Variants in GRIA4 observed in about 807,000 individuals in gnomAD.
GRIA4 encodes glutamate receptor 4.
In GRIA4, 34 loss-of-function variants were observed where a neutral mutation model predicts 104.0. The ratio of observed to expected loss-of-function variants is 0.33; its 90% CI spans 0.25 to 0.44. The LOEUF is 0.44. GRIA4 is among the 20% of genes least tolerant of loss of function. The pLI is 1.00. For synonymous variants in GRIA4, 386 were observed against 381.9 expected (o/e 1.01, Z -0.13); for missense variants, 750 against 1,096.5 (o/e 0.68, Z 4.46).
intron 4 of GRIA4, among the ~76,000 whole-genome samples, chr11:105,794,763 C>G (rs1351551857): frequency 1.3e-5 from 2 of 151,092 alleles, no homozygotes; most frequent in South Asian, 4.2e-4. Context: ...GAATTGTAAA[C>G]TTCTAGATAG....
In GRIA4 at chr11:105,834,712, CTT is replaced by C. The variant is rs5794429; in HGVS notation, c.488-27295_488-27294del. On this transcript the variant is annotated intron_variant, in intron 4 of 16. Transcript: ENST00000282499. ...GTATTACTGTCCTGCTACAAAAAGA[CTT>C]TTTTTTTTTTTTTTTTGCTACCATG... Among the ~76,000 whole-genome samples, 231 of 131,512 alleles carry C rather than the reference CTT, an allele frequency of 1.8e-3. 1 individual carries two copies. The highest frequency in any genetic ancestry group is 4.1e-3 in the African/African-American group (146 of 35,504). The allele number at this position is 131,512 out of a possible 152,430, so 86.3% of individuals were successfully genotyped here.
chr11:105,749,754 T>C (rs1241953479), intron 3 of GRIA4, among the ~76,000 whole-genome samples: 1 of 152,180 alleles, frequency 6.6e-6, no homozygotes, highest in East Asian at 1.9e-4. Flanking sequence ...ATCATGTGTT[T>C]ATTGTATGTC....
intron 3 of GRIA4, among the ~76,000 whole-genome samples, chr11:105,643,122 C>T (rs985640113): frequency 6.6e-6 from 1 of 152,100 alleles, no homozygotes; most frequent in Admixed American, 6.5e-5. Context: ...ACTACTGAGT[C>T]CCTCCCATGA....
chr11:105,828,444 A>G (rs949031933), intron 4 of GRIA4, among the ~76,000 whole-genome samples: 2 of 152,004 alleles, frequency 1.3e-5, no homozygotes, highest in African/African-American at 2.4e-5. Flanking sequence ...AGATAATTTC[A>G]TATGTTGGAA....
chr11:105,770,272 G>T (rs1013556765), intron 4 of GRIA4, among the ~76,000 whole-genome samples: 1 of 152,004 alleles, frequency 6.6e-6, no homozygotes, highest in African/African-American at 2.4e-5. Context: ...GTTTAACTCT[G>T]CAGAATTTTG....
chr11:105,916,568 G>A (rs561562048), intron 10 of GRIA4, among the ~76,000 whole-genome samples: 1 of 152,240 alleles, frequency 6.6e-6, no homozygotes, highest in Non-Finnish European at 1.5e-5. Context: ...CAAACTGACT[G>A]GCACACAGTA....
chr11:105,848,509 C>A (rs1206779337), intron 4 of GRIA4, among the ~76,000 whole-genome samples: 1 of 152,082 alleles, frequency 6.6e-6, no homozygotes, highest in Non-Finnish European at 1.5e-5. Flanking sequence ...CTGTCTCATG[C>A]AATTACTGGA....
intron 3 of GRIA4, among the ~76,000 whole-genome samples, chr11:105,627,378 C>T (rs1051377952): frequency 5.3e-5 from 8 of 151,916 alleles, no homozygotes; most frequent in Non-Finnish European, 7.4e-5. Flanking sequence ...GTAAACTGCC[C>T]TGGAGGATAG....
intron 3 of GRIA4, among the ~76,000 whole-genome samples, chr11:105,648,960 G>A (rs367732567): frequency 5.3e-5 from 8 of 152,122 alleles, no homozygotes; most frequent in African/African-American, 1.9e-4. Context: ...GAAGTAGGAC[G>A]GAGGTTCCAG....
At chr11:105,715,716 A>G (rs1248550881) in intron 3 of GRIA4, among the ~76,000 whole-genome samples, 2 of 152,196 alleles carry the variant, frequency 1.3e-5, no homozygotes, top group Non-Finnish European at 2.9e-5. Context: ...TTAAAGGAGA[A>G]GTCATAACTC....
At chr11:105,754,500 T>C (rs1940188148) in intron 4 of GRIA4, among the ~76,000 whole-genome samples, 1 of 152,182 alleles carries the variant, frequency 6.6e-6, no homozygotes, top group Non-Finnish European at 1.5e-5. Flanking sequence ...CCTTTCACTT[T>C]ACCAGTTTTG....
intron 5 of GRIA4, among the ~76,000 whole-genome samples, chr11:105,866,867 T>C (rs967080961): frequency 6.6e-6 from 1 of 152,006 alleles, no homozygotes; most frequent in African/African-American, 2.4e-5. Context: ...GTACACATCA[T>C]GGATGTATTT....
At chr11:105,712,859 G>GA (rs936782783) in intron 3 of GRIA4, among the ~76,000 whole-genome samples, 17 of 151,270 alleles carry the variant, frequency 1.1e-4, no homozygotes, top group East Asian at 1.9e-4. Context: ...GGAAAAAAAA[G>GA]AAAAAAAATA....
chr11:105,713,961 C>T (rs1954003521), intron 3 of GRIA4, among the ~76,000 whole-genome samples: 1 of 152,068 alleles, frequency 6.6e-6, no homozygotes, highest in South Asian at 2.1e-4. Context: ...CTGTGCTCAG[C>T]TAATTTTGTT....
chr11:105,725,679 T>C (rs1938153431), intron 3 of GRIA4, among the ~76,000 whole-genome samples: 1 of 152,104 alleles, frequency 6.6e-6, no homozygotes. Context: ...ATTTCTGCAT[T>C]TGCAACTGAG....
At position 105,819,225 on chromosome 11, in the gene GRIA4, T is replaced by TCTCAGAA. The variant is rs1565261283; in HGVS notation, c.488-42797_488-42791dup. Reference sequence around the variant, plus strand: ...TGATTGAAAGACATACAGGGAAGAATCTCAGAACCTGTGGTCTAATACCAT... The same window carrying TCTCAGAA: ...TGATTGAAAGACATACAGGGAAGAATCTCAGAACTCAGAACCTGTGGTCTAATACCAT... On this transcript the variant is annotated intron_variant, in intron 4 of 16. Transcript: ENST00000282499. Among the ~76,000 whole-genome samples the TCTCAGAA allele has an allele frequency of 3.3e-5, 5 of 152,312 alleles. No individual in the cohort carries two copies. In the South Asian group the frequency reaches 1.0e-3, roughly 32 times the overall value.
intron 14 of GRIA4, among the ~76,000 whole-genome samples, chr11:105,945,171 G>A (rs547998339): frequency 6.6e-6 from 1 of 152,164 alleles, no homozygotes; most frequent in Admixed American, 6.5e-5. Context: ...ATTCACTCCA[G>A]CTGAAAAAAT....
intron 3 of GRIA4, among the ~76,000 whole-genome samples, chr11:105,696,546 G>A (rs559692360): frequency 3.3e-5 from 5 of 151,996 alleles, no homozygotes; most frequent in Admixed American, 6.6e-5. Flanking sequence ...TCTATTAAAC[G>A]TTTTTAAAAT....
At chr11:105,947,569 C>A (rs544504123) in intron 14 of GRIA4, among the ~76,000 whole-genome samples, 1 of 152,284 alleles carries the variant, frequency 6.6e-6, no homozygotes, top group South Asian at 2.1e-4. Context: ...ATTGAAATGA[C>A]AGCACCACTT....
Sources: allele counts gnomAD v4.1 joint callset (sites outside exome capture counted in the v4.1 genomes callset), GRCh38; gene constraint gnomAD v4.1.1; transcripts MANE v1.5; gene names NCBI Gene and HGNC (gene_info 2026-07-23, HGNC 2026-07-21).